IP6K3: variants seen among roughly 807,000 people sequenced by gnomAD.
The protein encoded by IP6K3 is inositol hexakisphosphate kinase 3.
IP6K3 carries 20 observed loss-of-function variants against 28.8 expected under a neutral mutation model. The ratio of observed to expected loss-of-function variants is 0.70; its 90% CI spans 0.49 to 1.01. The LOEUF is 1.01. IP6K3 is among the 50% of genes least tolerant of loss of function. The pLI is 0.00. For synonymous variants in IP6K3, 213 were observed against 221.3 expected (o/e 0.96, Z 0.33); for missense variants, 480 against 537.1 (o/e 0.89, Z 1.05).
At chr6:33,743,667 G>A (rs893054183) in intron 1 of IP6K3, among the ~76,000 whole-genome samples, 2 of 152,044 alleles carry the variant, frequency 1.3e-5, no homozygotes, top group Non-Finnish European at 2.9e-5. Context: ...GTGGCTCTCC[G>A]GCTCGGTGGG....
At chr6:33,748,114 TG>T (rs1238547134), upstream of IP6K3, among the ~76,000 whole-genome samples, 1 of 152,092 alleles carries the variant, frequency 6.6e-6, no homozygotes, top group Non-Finnish European at 1.5e-5. Context: ...GCTCCATATG[TG>T]GATGAGGGGC....
At chr6:33,749,893 C>T (rs1409929171), upstream of IP6K3, among the ~76,000 whole-genome samples, 1 of 152,126 alleles carries the variant, frequency 6.6e-6, no homozygotes, top group Non-Finnish European at 1.5e-5. Context: ...CAGCGTGGCA[C>T]TCACTATTCT....
chr6:33,734,502 G>T (rs1766438420), intron 2 of IP6K3, among the ~76,000 whole-genome samples: 1 of 152,204 alleles, frequency 6.6e-6, no homozygotes, highest in Admixed American at 6.5e-5. Context: ...CAGTCATGGG[G>T]TCTACCGTCC....
At chr6:33,735,848 A>G (rs550003996) in intron 1 of IP6K3, among the ~76,000 whole-genome samples, 193 bp from the exon 2 acceptor site, 5 of 152,324 alleles carry the variant, frequency 3.3e-5, no homozygotes, top group African/African-American at 1.2e-4. Flanking sequence ...GGTTGCCTCC[A>G]TGGAGCAGGG....
chr6:33,723,304 G>A (rs1004337031), intron 5 of IP6K3, 117 bp from the exon 6 acceptor site: 1 of 658,176 alleles, frequency 1.5e-6, no homozygotes, highest in African/African-American at 1.8e-5. Context: ...AGGAGATGTA[G>A]GGCAAGAGTG....
chr6:33,738,546 A>G (rs570326138), intron 1 of IP6K3, among the ~76,000 whole-genome samples: 4 of 152,372 alleles, frequency 2.6e-5, no homozygotes, highest in South Asian at 4.1e-4. Context: ...CTTACAATCC[A>G]TAATAACCCT....
chr6:33,751,519 T>TGTGTGTGTGTGTGTGTGTGTGTG (rs36009611), upstream of IP6K3, among the ~76,000 whole-genome samples: 1 of 89,064 alleles, frequency 1.1e-5, no homozygotes, highest in African/African-American at 4.0e-5. The surrounding 1 kb of genome is among the most constrained non-coding windows in gnomAD (Gnocchi z 4.3). Context: ...TGTGTGTGTG[T>TGTGTGTGTGTGTGTGTGTGTGTG]TTGGCCCCGG....
the IP6K3 span, among the ~76,000 whole-genome samples, chr6:33,761,467 C>G: frequency 2.3e-4 from 35 of 152,270 alleles, no homozygotes; most frequent in African/African-American, 4.1e-4. Flanking sequence ...AGCTGTGAGA[C>G]AGTGCCAGCT....
intron 3 of IP6K3, 44 bp from the exon 4 acceptor site, chr6:33,726,950 G>A (rs745579374): frequency 6.6e-7 from 1 of 1,520,996 alleles, no homozygotes; most frequent in Non-Finnish European, 8.9e-7. Flanking sequence ...AGAGGTCTGG[G>A]GAAGGGCGCC....
chr6:33,732,298 G>A (rs759918472), intron 2 of IP6K3, among the ~76,000 whole-genome samples: 3 of 152,210 alleles, frequency 2.0e-5, no homozygotes, highest in Non-Finnish European at 2.9e-5. Context: ...CCATCGTGGC[G>A]CAGGGTGGCG....
At position 33,722,816 on chromosome 6, in the gene IP6K3, C is replaced by T. The variant is rs780119202; in HGVS notation, c.1137G>A (p.Trp379Ter). 39 of 1,614,056 alleles carry T rather than the reference C, an allele frequency of 2.4e-5. 1 individual carries two copies. In the South Asian group the frequency reaches 4.1e-4, roughly 17 times the overall value. ...DFAHTTYKGY[W>*]NEHTTYDGPD... ...GTCCATCGTAGGTGGTGTGCTCATT[C>T]CAGTAGCCCTTGTATGTGGTATGAG... Residue 379 changes from tryptophan (W) to a stop codon, truncating the protein, a stop_gained, in exon 6 of 6, where the codon TGG becomes TGA. Coordinates refer to ENST00000293756, the MANE Select transcript of IP6K3 (RefSeq NM_054111.5). LOFTEE classifies it high-confidence loss of function.
chr6:33,745,365 T>C (rs1469507736), intron 1 of IP6K3, among the ~76,000 whole-genome samples: 1 of 152,116 alleles, frequency 6.6e-6, no homozygotes, highest in Non-Finnish European at 1.5e-5. Context: ...CACAGGAGCA[T>C]TGAGGGGCAG....
At chr6:33,748,543 G>T (rs74937211), upstream of IP6K3, among the ~76,000 whole-genome samples, 2 of 150,064 alleles carry the variant, frequency 1.3e-5, no homozygotes, top group Non-Finnish European at 3.0e-5. Context: ...AGAGGCAGAG[G>T]CAGGAGGAAT....
In IP6K3 at chr6:33,746,277, C is replaced by T. The variant is rs192595357; in HGVS notation, c.-180+481G>A. 9.2e-5 allele frequency among the ~76,000 whole-genome samples: 14 copies of T among 152,278 alleles called. No homozygotes were observed. The East Asian group carries it at 2.7e-3, about 29-fold the overall frequency. On this transcript the variant is annotated intron_variant, in intron 1 of 5. Transcript: ENST00000293756. The surrounding 1 kb of genome is among the most constrained non-coding windows in gnomAD (Gnocchi z 6.5). Reference sequence around the variant, plus strand: ...CCAGCCTGGTGCCGGCCTCCTGCCCCCTCCCGTGGAAAGCTGGGGCTGCTG... The same window carrying T: ...CCAGCCTGGTGCCGGCCTCCTGCCCTCTCCCGTGGAAAGCTGGGGCTGCTG...
At chr6:33,751,232 C>A (rs1270528419), upstream of IP6K3, among the ~76,000 whole-genome samples, 1 of 152,192 alleles carries the variant, frequency 6.6e-6, no homozygotes, top group Non-Finnish European at 1.5e-5. This position sits in a 1 kb window ranked among gnomAD's most constrained non-coding sequence, Gnocchi z 4.3. Context: ...GAGCTTCCAG[C>A]CTGGGTGTTG....
chr6:33,750,507 C>CT (rs1433475879), upstream of IP6K3, among the ~76,000 whole-genome samples: 1 of 152,134 alleles, frequency 6.6e-6, no homozygotes, highest in African/African-American at 2.4e-5. This position sits in a 1 kb window ranked among gnomAD's most constrained non-coding sequence, Gnocchi z 4.3. Flanking sequence ...CACCTCGTCC[C>CT]TTTTTTTAGA....
chr6:33,725,256 GAAA>G (rs1363219327), intron 5 of IP6K3, among the ~76,000 whole-genome samples, 182 bp downstream of exon 5: 1 of 150,468 alleles, frequency 6.6e-6, no homozygotes, highest in African/African-American at 2.4e-5. Context: ...ATAGAAAAAA[GAAA>G]ATTTCCAGTG....
upstream of IP6K3, among the ~76,000 whole-genome samples, chr6:33,751,146 G>A (rs972556026): frequency 2.0e-5 from 3 of 152,156 alleles, no homozygotes; most frequent in Non-Finnish European, 4.4e-5. The surrounding 1 kb of genome is among the most constrained non-coding windows in gnomAD (Gnocchi z 4.3). Context: ...GGGCCTTGTG[G>A]CTAGGCGGCT....
At chr6:33,743,769 G>A (rs777652758) in intron 1 of IP6K3, among the ~76,000 whole-genome samples, 9 of 152,086 alleles carry the variant, frequency 5.9e-5, no homozygotes, top group African/African-American at 1.2e-4. Flanking sequence ...CCTGGAGAAG[G>A]CTTGGTTTCT....
Sources: allele counts gnomAD v4.1 joint callset (sites outside exome capture counted in the v4.1 genomes callset), GRCh38; gene constraint gnomAD v4.1.1; non-coding constraint Gnocchi (gnomAD v3.1); transcripts MANE v1.5; gene names NCBI Gene and HGNC (gene_info 2026-07-23, HGNC 2026-07-21).